Variants in STK38L observed in about 807,000 individuals in gnomAD.
STK38L encodes the protein serine/threonine-protein kinase 38-like.
STK38L carries 28 observed loss-of-function variants against 59.7 expected under a neutral mutation model. The observed-to-expected ratio is 0.47, with a 90% confidence interval of 0.35 to 0.64. STK38L has a LOEUF of 0.64. STK38L is among the 30% of genes least tolerant of loss of function. The pLI, the probability that STK38L is intolerant of heterozygous loss-of-function variation, is 0.01. For synonymous variants in STK38L, 162 were observed against 176.8 expected (o/e 0.92, Z 0.66); for missense variants, 314 against 555.8 (o/e 0.56, Z 4.37).
intron 12 of STK38L, among the ~76,000 whole-genome samples, chr12:27,320,090 C>T (rs1009562420): frequency 6.6e-6 from 1 of 152,168 alleles, no homozygotes; most frequent in African/African-American, 2.4e-5. Flanking sequence ...TACTCCTCTT[C>T]CCACCTCTAA....
chr12:27,311,873 G>A (rs1438452613), intron 5 of STK38L, among the ~76,000 whole-genome samples: 1 of 151,984 alleles, frequency 6.6e-6, no homozygotes, highest in Non-Finnish European at 1.5e-5. Flanking sequence ...CCAATTTACA[G>A]GGCATTGCTT....
intron 1 of STK38L, among the ~76,000 whole-genome samples, chr12:27,282,902 G>A (rs1339874844): frequency 6.6e-6 from 1 of 152,190 alleles, no homozygotes; most frequent in Non-Finnish European, 1.5e-5. Context: ...GGGTTCAAAA[G>A]CTGGCTTCAC....
chr12:27,255,227 C>T (rs1408407331), intron 1 of STK38L, among the ~76,000 whole-genome samples: 12 of 152,094 alleles, frequency 7.9e-5, no homozygotes, highest in Admixed American at 2.0e-4. Flanking sequence ...GAATTTTTAC[C>T]GTAGTAAAAC....
chr12:27,297,798 C>G lies in STK38L; in HGVS notation c.78C>G (p.Leu26=). 6.2e-7 allele frequency: 1 copy of G among 1,613,976 alleles called. No homozygotes were observed. The highest frequency in any genetic ancestry group is 8.5e-7 in the Non-Finnish European group (1 of 1,179,992). ...GGGAAAGAGTGACTGTAGCCAAGCT[C>G]ACATTGGAGAATTTTTATAGCAACC... ...HTRERVTVAK[L]TLENFYSNLI... is the part of the protein sequence containing the mutation. The change falls in exon 2 of 14, where the codon CTC becomes CTG. Residue 26 remains leucine, a synonymous_variant. Coordinates refer to ENST00000389032, the MANE Select transcript of STK38L (RefSeq NM_015000.4).
chr12:27,325,885 T>G lies in STK38L; in HGVS notation c.*3430T>G, dbSNP rs1404139471. 2 of 152,178 alleles carry G rather than the reference T, an allele frequency of 1.3e-5. No individual in the cohort carries two copies. Among genetic ancestry groups the G allele is most frequent in the Non-Finnish European group, 2.9e-5 (2 of 68,014 alleles). 9.4% of individuals were successfully genotyped at this position (152,178 alleles called of 1,614,324 possible). Reference sequence around the variant, plus strand: ...TGAGTTTGGTGTTCAGTTACTGAGTTTCAAAAATGTTTTGGTGGCATGAGG... The same window carrying G: ...TGAGTTTGGTGTTCAGTTACTGAGTGTCAAAAATGTTTTGGTGGCATGAGG... On this transcript the variant is annotated 3_prime_UTR_variant, in exon 14 of 14. Coordinates refer to ENST00000389032, the MANE Select transcript of STK38L (RefSeq NM_015000.4).
At chr12:27,320,037 C>G (rs1341509921) in intron 12 of STK38L, among the ~76,000 whole-genome samples, 2 of 152,160 alleles carry the variant, frequency 1.3e-5, no homozygotes, top group Non-Finnish European at 2.9e-5. Flanking sequence ...CAGGATATGG[C>G]GATTGCCTCA....
intron 1 of STK38L, among the ~76,000 whole-genome samples, chr12:27,282,966 TTTCTC>T (rs1029947805): frequency 2.9e-4 from 44 of 152,222 alleles, no homozygotes; most frequent in African/African-American, 9.7e-4. Flanking sequence ...AAGTCTCACT[TTTCTC>T]TTCTATAAAT....
intron 1 of STK38L, among the ~76,000 whole-genome samples, chr12:27,272,523 C>G (rs1943445479): frequency 6.6e-6 from 1 of 152,182 alleles, no homozygotes; most frequent in South Asian, 2.1e-4. Context: ...AATTAATTAG[C>G]TGCATTCAAG....
At chr12:27,275,069 C>A (rs1444191694) in intron 1 of STK38L, among the ~76,000 whole-genome samples, 2 of 152,158 alleles carry the variant, frequency 1.3e-5, no homozygotes, top group African/African-American at 4.8e-5. Context: ...GACTTAAAAT[C>A]TTTTAAATGG....
intron 1 of STK38L, among the ~76,000 whole-genome samples, chr12:27,286,317 A>C (rs1943771542): frequency 6.6e-6 from 1 of 152,172 alleles, no homozygotes; most frequent in Non-Finnish European, 1.5e-5. Context: ...TGCTTATAAA[A>C]TGGTTGTTTT....
chr12:27,310,620 TA>T (rs1272307852), intron 5 of STK38L, among the ~76,000 whole-genome samples: 1 of 152,246 alleles, frequency 6.6e-6, no homozygotes, highest in Admixed American at 6.5e-5. Flanking sequence ...ACTAAGGTGA[TA>T]ATATTCGGAT....
At chr12:27,302,087 G>C (rs768631315) in intron 2 of STK38L, 50 bp from the exon 3 acceptor site, 2 of 1,442,208 alleles carry the variant, frequency 1.4e-6, no homozygotes, top group Non-Finnish European at 1.9e-6. Context: ...TTCTTAAGTG[G>C]AAATAGTTAG....
Position 27,297,767 on chromosome 12 carries a change from A to G in STK38L, c.47A>G (p.His16Arg). 1 of 1,614,054 alleles carries G rather than the reference A, an allele frequency of 6.2e-7. No individual in the cohort carries two copies. Among genetic ancestry groups the G allele is most frequent in the Non-Finnish European group, 8.5e-7 (1 of 1,179,946 alleles). ...GTTTTFPMSNHTRERVTVAKL... is the reference protein window; with the variant it reads ...GTTTTFPMSNRTRERVTVAKL... ...ACAACAACCTTTCCTATGAGCAACC[A>G]TACCCGGGAAAGAGTGACTGTAGCC... The change falls in exon 2 of 14, where the codon CAT becomes CGT. Residue 16 changes from histidine to arginine, a missense_variant. This residue lies in a region of STK38L where 192 missense variants were observed against 316.9 expected (regional missense o/e 0.61). Transcript: ENST00000389032.
Position 27,297,798 on chromosome 12 carries a change from C to T in STK38L, c.78C>T (p.Leu26=), listed in dbSNP as rs142644477. ...GGGAAAGAGTGACTGTAGCCAAGCT[C>T]ACATTGGAGAATTTTTATAGCAACC... ...HTRERVTVAK[L]TLENFYSNLI... Residue 26 remains leucine, a synonymous_variant, in exon 2 of 14, where the codon CTC becomes CTT. Transcript: ENST00000389032. 8.6e-5 allele frequency: 138 copies of T among 1,613,976 alleles called. No individual in the cohort carries two copies. The African/African-American group carries it at 1.7e-3, about 20-fold the overall frequency.
intron 1 of STK38L, among the ~76,000 whole-genome samples, chr12:27,288,918 T>C (rs1943837687): frequency 6.6e-6 from 1 of 151,820 alleles, no homozygotes; most frequent in African/African-American, 2.4e-5. Context: ...GACAAATATT[T>C]TTCTGTATGT....
intron 1 of STK38L, among the ~76,000 whole-genome samples, chr12:27,265,297 C>A (rs1943280248): frequency 6.6e-6 from 1 of 152,082 alleles, no homozygotes; most frequent in African/African-American, 2.4e-5. Context: ...TAGGATCGTG[C>A]ACTATATATA....
intron 10 of STK38L, 164 bp downstream of exon 10, chr12:27,317,617 C>A: frequency 1.4e-6 from 1 of 712,690 alleles, no homozygotes; most frequent in Non-Finnish European, 2.3e-6. Flanking sequence ...AGTGAGCTCC[C>A]CACGGATCCT....
intron 12 of STK38L, 121 bp from the exon 13 acceptor site, chr12:27,322,022 A>G (rs1049581566): frequency 2.3e-5 from 19 of 822,552 alleles, no homozygotes; most frequent in African/African-American, 2.1e-4. Context: ...CAAATCCACA[A>G]TAAATTTCCT....
At chr12:27,294,096 CA>C (rs1413863227) in intron 1 of STK38L, among the ~76,000 whole-genome samples, 8 of 152,130 alleles carry the variant, frequency 5.3e-5, no homozygotes, top group Admixed American at 5.2e-4. Context: ...AGTTGTTTAC[CA>C]AAAAGCATTT....
Sources: gnomAD v4.1 joint callset for allele counts (sites outside exome capture counted in the v4.1 genomes callset) on GRCh38, gnomAD v4.1.1 for gene constraint, gnomAD v4.1.1 regional missense constraint, MANE v1.5 for transcripts, NCBI Gene and HGNC (gene_info 2026-07-23, HGNC 2026-07-21) for gene names.